Variants in MBD5 observed in about 807,000 individuals in gnomAD.
MBD5 encodes methyl-CpG binding domain protein 5, also known as methyl-CpG-binding domain protein 5.
Under a neutral mutation model 117.3 loss-of-function variants are expected in MBD5, and 13 were observed. The ratio of observed to expected loss-of-function variants is 0.11; its 90% CI spans 0.07 to 0.18. MBD5 has a LOEUF of 0.18. Among genes scored for constraint, MBD5 ranks in the 10% least tolerant of loss-of-function variants. The pLI is 1.00. For synonymous variants in MBD5, 727 were observed against 766.4 expected (o/e 0.95, Z 0.85); for missense variants, 1,879 against 2,093.8 (o/e 0.90, Z 2.00).
intron 3 of MBD5, among the ~76,000 whole-genome samples, chr2:148,238,403 G>T (rs1339163438): frequency 1.3e-5 from 2 of 152,158 alleles, no homozygotes; most frequent in Non-Finnish European, 2.9e-5. Flanking sequence ...ATTATTTAGA[G>T]AAATATTCCA....
At position 148,178,697 on chromosome 2, in the gene MBD5, T is replaced by C. The variant is rs1293921044; in HGVS notation, c.-924-3T>C. 1.3e-5 allele frequency: 5 copies of C among 398,232 alleles called. No homozygotes were observed. Among genetic ancestry groups the C allele is most frequent in the Non-Finnish European group, 1.8e-5 (4 of 225,690 alleles). 24.7% of individuals were successfully genotyped at this position (398,232 alleles called of 1,614,324 possible). The stretch of plus-strand genomic sequence containing the variant: ...ATTATATTTTCTTATGCTTCTCTTT[T>C]AGATGTACATTGAAGATGTCAGTTT... On this transcript the variant is annotated splice_polypyrimidine_tract_variant and splice_region_variant and intron_variant, in intron 1 of 13. Transcript: ENST00000642680.
intron 4 of MBD5, among the ~76,000 whole-genome samples, chr2:148,379,391 C>T (rs1704073106): frequency 6.6e-6 from 1 of 151,826 alleles, no homozygotes; most frequent in African/African-American, 2.4e-5. Flanking sequence ...ACTTGTCAAC[C>T]TAAGATTGAA....
At chr2:148,090,202 G>A (rs1695900102) in intron 1 of MBD5, among the ~76,000 whole-genome samples, 1 of 151,438 alleles carries the variant, frequency 6.6e-6, no homozygotes, top group Non-Finnish European at 1.5e-5. Flanking sequence ...TTAAAAATTG[G>A]CAACAACAAC....
chr2:148,305,003 T>C (rs946589427), intron 3 of MBD5, among the ~76,000 whole-genome samples: 84 of 150,348 alleles, frequency 5.6e-4, no homozygotes, highest in Non-Finnish European at 9.8e-4. Flanking sequence ...AGGCGGAGCT[T>C]GCAGTGAGCC....
chr2:148,325,630 T>A (rs1702425725), intron 3 of MBD5, among the ~76,000 whole-genome samples: 1 of 152,188 alleles, frequency 6.6e-6, no homozygotes. Flanking sequence ...CGTAGAGGTG[T>A]TTGTAGTATT....
intron 1 of MBD5, among the ~76,000 whole-genome samples, chr2:148,158,864 C>A (rs1047176992): frequency 6.6e-6 from 1 of 152,220 alleles, no homozygotes; most frequent in African/African-American, 2.4e-5. Context: ...GCGCTACAGG[C>A]GCCCGCCACC....
chr2:148,423,805 C>T (rs572482434), intron 4 of MBD5, among the ~76,000 whole-genome samples: 5 of 152,026 alleles, frequency 3.3e-5, no homozygotes, highest in Non-Finnish European at 7.4e-5. Flanking sequence ...TCAGGAGGCC[C>T]AGCTCATGTT....
At chr2:148,043,321 C>T (rs2603605) in intron 1 of MBD5, among the ~76,000 whole-genome samples, 5,569 of 151,306 alleles carry the variant, frequency 0.037, 330 homozygotes, top group African/African-American at 0.13. Flanking sequence ...GGCATGGTAA[C>T]GGGCACCTGT....
At chr2:148,315,235 A>G (rs2106548418) in intron 3 of MBD5, among the ~76,000 whole-genome samples, 1 of 152,274 alleles carries the variant, frequency 6.6e-6, no homozygotes, top group African/African-American at 2.4e-5. Context: ...TCCTGTTACT[A>G]CCTTGCTGAA....
intron 1 of MBD5, among the ~76,000 whole-genome samples, chr2:148,161,231 G>A (rs993396645): frequency 6.6e-6 from 1 of 152,182 alleles, no homozygotes; most frequent in Non-Finnish European, 1.5e-5. Context: ...CATCCAGTCT[G>A]TTTTAGCCAT....
At chr2:148,427,638 G>T (rs1036484336) in intron 4 of MBD5, among the ~76,000 whole-genome samples, 1 of 151,998 alleles carries the variant, frequency 6.6e-6, no homozygotes, top group African/African-American at 2.4e-5. Context: ...GGGGCCTGTT[G>T]TGGGATGGGG....
At chr2:148,281,721 T>C (rs915328670) in intron 3 of MBD5, among the ~76,000 whole-genome samples, 5 of 152,134 alleles carry the variant, frequency 3.3e-5, no homozygotes, top group Non-Finnish European at 7.4e-5. Flanking sequence ...ATCCCAATCA[T>C]TGAGTCAGTG....
intron 3 of MBD5, among the ~76,000 whole-genome samples, chr2:148,286,514 T>A (rs973300570): frequency 6.6e-6 from 1 of 152,214 alleles, no homozygotes; most frequent in Non-Finnish European, 1.5e-5. Flanking sequence ...CTCCCAACAC[T>A]CTCTGCATTA....
intron 3 of MBD5, among the ~76,000 whole-genome samples, chr2:148,243,480 CTGTT>C (rs1419682216): frequency 1.3e-5 from 2 of 151,946 alleles, no homozygotes; most frequent in African/African-American, 2.4e-5. Context: ...GTAGATTATT[CTGTT>C]TATCAGAATA....
chr2:148,468,827 C>G lies in MBD5; in HGVS notation c.884C>G (p.Thr295Ser), dbSNP rs368339420. The G allele has an allele frequency of 2.0e-5, 33 of 1,613,822 alleles. No homozygotes were observed. Among genetic ancestry groups the G allele is most frequent in the Non-Finnish European group, 2.6e-5 (31 of 1,179,920 alleles). The change falls in exon 8 of 14, where the codon ACT becomes AGT. Residue 295 changes from threonine (T) to serine (S), a missense_variant. Physicochemically the swap from Thr to Ser is moderately conservative, Grantham distance 58. This residue lies in a region of MBD5 where 1,666 missense variants were observed against 1,792.2 expected (regional missense o/e 0.93). Coordinates refer to ENST00000642680, the MANE Select transcript of MBD5 (RefSeq NM_001378120.1). ...VQSSCAMAGR[T>S]NIPLSPTLTT... ...TCATCCTGTGCAATGGCTGGAAGGACTAATATACCTCTTTCCCCAACCTTG... is the reference window on the plus strand; with the variant it reads ...TCATCCTGTGCAATGGCTGGAAGGAGTAATATACCTCTTTCCCCAACCTTG...
intron 4 of MBD5, among the ~76,000 whole-genome samples, chr2:148,442,269 A>C (rs1423642808): frequency 6.6e-6 from 1 of 151,386 alleles, no homozygotes; most frequent in Non-Finnish European, 1.5e-5. Flanking sequence ...CTACTGATTA[A>C]TAGTGTTCAT....
chr2:148,393,711 T>C (rs1704627742), intron 4 of MBD5, among the ~76,000 whole-genome samples: 1 of 152,206 alleles, frequency 6.6e-6, no homozygotes, highest in South Asian at 2.1e-4. Flanking sequence ...CTTCTCACTT[T>C]ATCCTGGTTT....
intron 1 of MBD5, among the ~76,000 whole-genome samples, chr2:148,049,028 TG>T: frequency 6.6e-6 from 1 of 152,170 alleles, no homozygotes. Context: ...TGTTAGTGTC[TG>T]AGAAGTGGTG....
intron 1 of MBD5, among the ~76,000 whole-genome samples, chr2:148,175,275 T>C (rs139898890): frequency 2.6e-4 from 39 of 152,286 alleles, no homozygotes; most frequent in African/African-American, 9.1e-4. Flanking sequence ...GCAGTCATAT[T>C]TTAAGAAGGT....
Sources: allele counts gnomAD v4.1 joint callset (sites outside exome capture counted in the v4.1 genomes callset), GRCh38; gene constraint gnomAD v4.1.1; regional missense constraint gnomAD v4.1.1; transcripts MANE v1.5; gene names NCBI Gene and HGNC (gene_info 2026-07-23, HGNC 2026-07-21).